Variants in DTNA observed in about 807,000 individuals in gnomAD.
DTNA encodes the protein dystrophin-related protein 3.
DTNA carries 43 observed loss-of-function variants against 100.7 expected under a neutral mutation model. The ratio of observed to expected loss-of-function variants is 0.43; its 90% confidence interval spans 0.33 to 0.55. The LOEUF (loss-of-function observed/expected upper bound fraction) is 0.55, where lower values mean the gene tolerates loss of function less well. Ranked by LOEUF, DTNA falls within the 20% of genes least tolerant of loss-of-function variation. The pLI is 0.04. For synonymous variants in DTNA, 349 were observed against 347.9 expected (o/e 1.00, Z -0.04); for missense variants, 798 against 953.9 (o/e 0.84, Z 2.15).
intron 1 of DTNA, among the ~76,000 whole-genome samples, chr18:34,588,686 A>AGTGTGTGTGTGTGCATGTGTGTGT (rs1555632822): frequency 0.027 from 4,101 of 149,624 alleles, 183 homozygotes; most frequent in African/African-American, 0.094. Context: ...TGAATATTAT[A>AGTGTGTGTGTGTGCATGTGTGTGT]GTGTGTGTGT....
chr18:34,824,388 A>G (rs2095802411), intron 9 of DTNA, among the ~76,000 whole-genome samples: 1 of 152,080 alleles, frequency 6.6e-6, no homozygotes, highest in South Asian at 2.1e-4. Flanking sequence ...AGGCAGGAGA[A>G]TGGCGTGAAC....
At chr18:34,736,601 T>C (rs1213927621) in intron 1 of DTNA, among the ~76,000 whole-genome samples, 2 of 152,176 alleles carry the variant, frequency 1.3e-5, no homozygotes, top group East Asian at 3.8e-4. Flanking sequence ...AAAATCTCAG[T>C]ATTCTGAAAT....
chr18:34,751,361 A>C (rs567410147), intron 1 of DTNA, among the ~76,000 whole-genome samples: 4 of 152,150 alleles, frequency 2.6e-5, no homozygotes, highest in African/African-American at 9.7e-5. Flanking sequence ...CTACCTACCC[A>C]GTCTTCCTTC....
Position 34,528,588 on chromosome 18 carries a change from G to GA in DTNA, c.-2+35082dup, listed in dbSNP as rs797017529. 1.4e-3 allele frequency among the ~76,000 whole-genome samples: 207 copies of GA among 151,658 alleles called. 1 individual carries two copies. Among genetic ancestry groups the GA allele is most frequent in the African/African-American group, 4.9e-3 (202 of 41,376 alleles). ...TTAGGTTGAAATGCTTTCTAAAGAG[G>GA]AAAAAAAAGAAAGAACTACCCAGAA... On this transcript the variant is annotated intron_variant, in intron 1 of 19. Transcript: ENST00000283365.
chr18:34,746,564 T>TA lies in DTNA; in HGVS notation c.-1-9403dup, dbSNP rs200707386. On this transcript the variant is annotated intron_variant, in intron 1 of 22. Transcript: ENST00000444659. ...TCGTATTGAATAAAACATGATTCTC[T>TA]AAAAAAAAATCTGAGGTCCTGGTGC... Among the ~76,000 whole-genome samples, 16 of 151,502 alleles carry TA rather than the reference T, an allele frequency of 1.1e-4. No individual in the cohort carries two copies. In the East Asian group the frequency reaches 1.2e-3, roughly 11 times the overall value.
chr18:34,783,954 A>C (rs539076991), intron 3 of DTNA, among the ~76,000 whole-genome samples: 1 of 152,196 alleles, frequency 6.6e-6, no homozygotes, highest in Non-Finnish European at 1.5e-5. Flanking sequence ...GAATCAAAGG[A>C]GCATCTCTAT....
intron 19 of DTNA, among the ~76,000 whole-genome samples, chr18:34,879,312 G>A (rs889210566): frequency 6.6e-6 from 1 of 151,984 alleles, no homozygotes; most frequent in African/African-American, 2.4e-5. Flanking sequence ...TTACTAAGAT[G>A]GCAAAAATTC....
chr18:34,740,444 C>T (rs958603182), intron 1 of DTNA, among the ~76,000 whole-genome samples: 1 of 152,118 alleles, frequency 6.6e-6, no homozygotes, highest in Non-Finnish European at 1.5e-5. Flanking sequence ...CACTTCTTTC[C>T]ATAAATGCAG....
At chr18:34,575,316 TA>T (rs5823945) in intron 1 of DTNA, among the ~76,000 whole-genome samples, 15,416 of 152,214 alleles carry the variant, frequency 0.1, 1,140 homozygotes, top group African/African-American at 0.2. Flanking sequence ...CAAGAGTTTG[TA>T]AGGAAGATTT....
chr18:34,792,331 G>T (rs911386032), intron 3 of DTNA, among the ~76,000 whole-genome samples: 7 of 152,166 alleles, frequency 4.6e-5, no homozygotes, highest in African/African-American at 1.4e-4. Flanking sequence ...TGGCTAGTTG[G>T]CTCATTTGTT....
chr18:34,763,999 G>A (rs917153913), intron 2 of DTNA, among the ~76,000 whole-genome samples: 13 of 152,184 alleles, frequency 8.5e-5, no homozygotes, highest in African/African-American at 3.1e-4. Flanking sequence ...TAATGTAGCT[G>A]CTTTGCAATA....
chr18:34,674,334 A>G lies in DTNA; in HGVS notation c.-1-81642A>G, dbSNP rs529979310. Among the ~76,000 whole-genome samples the G allele has an allele frequency of 4.6e-5, 7 of 152,320 alleles. No homozygotes were observed. The South Asian group carries it at 1.2e-3, about 27-fold the overall frequency. On this transcript the variant is annotated intron_variant, in intron 1 of 19. Transcript: ENST00000283365. ...ATAAGCTATGCCCTTAATAGGAAGT[A>G]AAGACATCCAAGACCTTCCTGCCTC...
At chr18:34,652,055 G>A (rs774207594) in intron 1 of DTNA, among the ~76,000 whole-genome samples, 10 of 151,266 alleles carry the variant, frequency 6.6e-5, no homozygotes, top group East Asian at 1.9e-4. Context: ...GACAGATTGC[G>A]ACCCTGTCTC....
intron 1 of DTNA, among the ~76,000 whole-genome samples, chr18:34,614,183 T>TA (rs112855719): frequency 4.6e-5 from 7 of 152,332 alleles, no homozygotes; most frequent in African/African-American, 1.7e-4. Flanking sequence ...CCTGAATTTT[T>TA]AAAAATATTT....
intron 1 of DTNA, chr18:34,755,662 G>C: frequency 3.1e-6 from 1 of 326,902 alleles, no homozygotes; most frequent in Non-Finnish European, 5.8e-6. Flanking sequence ...AAACTGAATG[G>C]GAAACGAGTC....
At chr18:34,718,253 ATTTTG>A (rs2084475990) in intron 1 of DTNA, among the ~76,000 whole-genome samples, 1 of 152,140 alleles carries the variant, frequency 6.6e-6, no homozygotes, top group African/African-American at 2.4e-5. Context: ...ACACATGACA[ATTTTG>A]TTTGGGGATG....
intron 1 of DTNA, among the ~76,000 whole-genome samples, chr18:34,625,929 C>G (rs1338898846): frequency 6.6e-6 from 1 of 152,124 alleles, no homozygotes. Flanking sequence ...TTTGGGGAAC[C>G]TTGGAAGAAC....
chr18:34,796,419 G>T (rs2094971818), intron 4 of DTNA, among the ~76,000 whole-genome samples: 1 of 152,196 alleles, frequency 6.6e-6, no homozygotes. Context: ...ACCCAGCGTG[G>T]AAATCTGATG....
rs746330511 is a variant in DTNA at position 34,858,427 on chromosome 18, G to A, written c.1646+29G>A. The A allele has an allele frequency of 3.1e-6, 5 of 1,603,324 alleles. No homozygotes were observed. The Admixed American group carries it at 5.0e-5, about 16-fold the overall frequency. ...GGAGAGAGCACCCATGTCATCTCAG[G>A]GAATATATATGTGTCAGATCTTTGA... On this transcript the variant is annotated intron_variant, in intron 16 of 22. Transcript: ENST00000444659.
Sources: gnomAD v4.1 joint callset for allele counts (sites outside exome capture counted in the v4.1 genomes callset) on GRCh38, gnomAD v4.1.1 for gene constraint, MANE v1.5 for transcripts, NCBI Gene and HGNC (gene_info 2026-07-23, HGNC 2026-07-21) for gene names.